Variants in WASL observed in about 807,000 individuals in gnomAD.
The protein encoded by WASL is WASP like actin nucleation promoting factor.
A neutral mutation model predicts 55.5 loss-of-function variants in WASL; 20 were observed. That is an observed-to-expected ratio of 0.36 (90% CI 0.25 to 0.52). The LOEUF is 0.52. Among genes scored for constraint, WASL ranks in the 20% least tolerant of loss-of-function variants. The pLI is 0.92. For missense variants in WASL, 504 were observed against 622.5 expected, an observed-to-expected ratio of 0.81 and a Z score of 2.03; for synonymous variants, 249 against 217.6, an observed-to-expected ratio of 1.14 and a Z score of -1.27.
intron 1 of WASL, among the ~76,000 whole-genome samples, chr7:123,714,503 G>A (rs1047824156): frequency 6.6e-6 from 1 of 152,208 alleles, no homozygotes; most frequent in South Asian, 2.1e-4. Flanking sequence ...AATCTCAACA[G>A]TGAAGAAAAA....
intron 10 of WASL, among the ~76,000 whole-genome samples, chr7:123,686,041 CTATT>C (rs996155831): frequency 3.3e-5 from 5 of 150,868 alleles, no homozygotes; most frequent in African/African-American, 1.2e-4. Context: ...TCTTTTTCTT[CTATT>C]TTTCTCATGT....
At chr7:123,722,417 G>A (rs1803963324) in intron 1 of WASL, among the ~76,000 whole-genome samples, 1 of 151,664 alleles carries the variant, frequency 6.6e-6, no homozygotes, top group Admixed American at 6.6e-5. Context: ...ATCTGAACAG[G>A]GTATTAATTC....
At chr7:123,718,023 G>T (rs1478121913) in intron 1 of WASL, among the ~76,000 whole-genome samples, 4 of 152,142 alleles carry the variant, frequency 2.6e-5, no homozygotes, top group Non-Finnish European at 5.9e-5. Context: ...GTCATGTAAA[G>T]AAGTGATGAA....
intron 1 of WASL, among the ~76,000 whole-genome samples, chr7:123,742,833 T>A (rs916828087): frequency 2.0e-5 from 3 of 152,188 alleles, no homozygotes; most frequent in Non-Finnish European, 4.4e-5. Flanking sequence ...ATGAAATAAT[T>A]CAGGATTATC....
At chr7:123,685,141 T>C (rs765356408) in intron 10 of WASL, among the ~76,000 whole-genome samples, 4 of 151,938 alleles carry the variant, frequency 2.6e-5, no homozygotes, top group Admixed American at 6.6e-5. Flanking sequence ...GCTTGGATTA[T>C]TGCAACTCTA....
intron 10 of WASL, among the ~76,000 whole-genome samples, chr7:123,685,667 A>G (rs1215259462): frequency 2.0e-5 from 3 of 151,644 alleles, no homozygotes; most frequent in African/African-American, 7.3e-5. Flanking sequence ...CTTATTTCTC[A>G]CTGTATCCTC....
chr7:123,706,975 G>T, intron 2 of WASL, 149 bp from the exon 3 acceptor site: 1 of 436,612 alleles, frequency 2.3e-6, no homozygotes, highest in South Asian at 5.7e-5. Context: ...TATAAATAGT[G>T]TCACATAATC....
chr7:123,692,368 T>C lies in WASL; in HGVS notation c.1326A>G (p.Arg442=), dbSNP rs1584856070. 6.2e-7 allele frequency: 1 copy of C among 1,613,680 alleles called. No individual in the cohort carries two copies. The highest frequency in any genetic ancestry group is 8.5e-7 in the Non-Finnish European group (1 of 1,179,900). ...SGRDALLDQI[R]QGIQLKSVAD... ...TTACAGATTTTAGTTGGATACCCTG[T>C]CGTATCTGGTCTAACAGTGCATCTC... is the stretch of plus-strand genomic sequence containing the variant. The change falls in exon 9 of 11, where the codon CGA becomes CGG. Residue 442 remains arginine, a synonymous_variant. Transcript: ENST00000223023.
rs771676427 is a variant in WASL at position 123,684,498 on chromosome 7, T to C, written c.*21A>G. ...TTTAGTATTTCACCTTAAAAATATA[T>C]ATATATATATAATATATAGATCAGT... On this transcript the variant is annotated 3_prime_UTR_variant, in exon 11 of 11. Transcript: ENST00000223023. 7.0e-6 allele frequency: 4 copies of C among 569,740 alleles called. No homozygotes were observed. The highest frequency in any genetic ancestry group is 3.6e-5 in the Admixed American group (1 of 27,542). The allele number at this position is 569,740 out of a possible 1,614,324, so 35.3% of individuals were successfully genotyped here.
intron 1 of WASL, among the ~76,000 whole-genome samples, chr7:123,728,607 C>A (rs372557853): frequency 6.6e-6 from 1 of 151,924 alleles, no homozygotes; most frequent in African/African-American, 2.4e-5. Flanking sequence ...TTTGGGAGGC[C>A]GAGGCAGGCA....
chr7:123,699,194 G>A (rs1165110393), intron 5 of WASL, among the ~76,000 whole-genome samples: 1 of 152,120 alleles, frequency 6.6e-6, no homozygotes, highest in Non-Finnish European at 1.5e-5. Context: ...GACCAGCCTG[G>A]CCAATATGGT....
At chr7:123,705,403 C>A (rs1273123640) in intron 4 of WASL, among the ~76,000 whole-genome samples, 1 of 152,106 alleles carries the variant, frequency 6.6e-6, no homozygotes. Context: ...CTGCTCAGAC[C>A]GTGTTAAGTC....
chr7:123,693,282 ATTT>A (rs540835549), intron 8 of WASL, among the ~76,000 whole-genome samples: 1 of 152,196 alleles, frequency 6.6e-6, no homozygotes, highest in African/African-American at 2.4e-5. Flanking sequence ...AAGTACACTT[ATTT>A]TTTTAAGTAA....
chr7:123,722,697 G>T (rs1044322830), intron 1 of WASL, among the ~76,000 whole-genome samples: 24 of 152,054 alleles, frequency 1.6e-4, no homozygotes, highest in Non-Finnish European at 3.5e-4. Flanking sequence ...GTGTGTGACT[G>T]CAATCCCAGA....
At chr7:123,707,159 A>T (rs1202784764) in intron 2 of WASL, among the ~76,000 whole-genome samples, 1 of 152,200 alleles carries the variant, frequency 6.6e-6, no homozygotes, top group Non-Finnish European at 1.5e-5. Flanking sequence ...TCAATGTTAC[A>T]TAGAAGGAAT....
Position 123,692,815 on chromosome 7 carries a change from A to G in WASL, c.879T>C (p.Pro293=). 1 of 1,407,326 alleles carries G rather than the reference A, an allele frequency of 7.1e-7. No individual in the cohort carries two copies. The highest frequency in any genetic ancestry group is 2.0e-5 in the South Asian group (1 of 48,846). The allele number at this position is 1,407,326 out of a possible 1,614,324, so 87.2% of individuals were successfully genotyped here. A position where few individuals can be genotyped will look rare whatever the true frequency, so the allele number is the denominator to read the frequency against. ...SRGGPPPPPP[P]PHNSGPPPPP... Reference sequence around the variant, plus strand: ...GAGGAGGAGGACCTGAGTTGTGTGGAGGGGGAGGAGGAGGAGGTGGCCCTC... The same window carrying G: ...GAGGAGGAGGACCTGAGTTGTGTGGGGGGGGAGGAGGAGGAGGTGGCCCTC... The change falls in exon 9 of 11, where the codon CCT becomes CCC. Residue 293 remains proline, a synonymous_variant. Transcript: ENST00000223023.
chr7:123,730,069 A>G (rs1402302550), intron 1 of WASL, among the ~76,000 whole-genome samples: 1 of 152,170 alleles, frequency 6.6e-6, no homozygotes, highest in Non-Finnish European at 1.5e-5. Context: ...TGAAATATTT[A>G]AAGTGTTGAA....
chr7:123,731,569 C>G (rs1804137150), intron 1 of WASL, among the ~76,000 whole-genome samples: 1 of 151,994 alleles, frequency 6.6e-6, no homozygotes, highest in African/African-American at 2.4e-5. Context: ...TAAAACACAC[C>G]TTAACAAATT....
chr7:123,731,218 G>A (rs911506895), intron 1 of WASL, among the ~76,000 whole-genome samples: 2 of 151,908 alleles, frequency 1.3e-5, no homozygotes, highest in South Asian at 2.1e-4. Context: ...AGGATAAAAA[G>A]GGACACTACA....
Sources: gnomAD v4.1 joint callset for allele counts (sites outside exome capture counted in the v4.1 genomes callset) on GRCh38, gnomAD v4.1.1 for gene constraint, MANE v1.5 for transcripts, NCBI Gene and HGNC (gene_info 2026-07-23, HGNC 2026-07-21) for gene names.